PIGU: variants seen among roughly 807,000 people sequenced by gnomAD.
The protein encoded by PIGU is phosphatidylinositol glycan anchor biosynthesis class U, also known as GPI-anchor transamidase component PIGU.
A neutral mutation model predicts 49.9 loss-of-function variants in PIGU; 24 were observed. The ratio of observed to expected loss-of-function variants is 0.48; its 90% CI spans 0.35 to 0.68. The LOEUF is 0.68. Ranked by LOEUF, PIGU falls within the 30% of genes least tolerant of loss-of-function variation. The probability of loss-of-function intolerance (pLI) is 0.01; values close to 1 mark genes in which losing one functional copy is unlikely to be tolerated. For missense variants in PIGU, 490 were observed against 532.6 expected (o/e 0.92, Z 0.79); for synonymous variants, 220 against 205.7 (o/e 1.07, Z -0.59).
chr20:34,673,793 G>A lies in PIGU; in HGVS notation c.130+3163C>T, dbSNP rs560857646. The stretch of plus-strand genomic sequence containing the variant: ...AGCTTGGCCGGGCGTGGTGGCTCAC[G>A]CCTGTAATCCCAGCACTTTGGGAGG... On this transcript the variant is annotated intron_variant, in intron 1 of 11. Coordinates refer to ENST00000217446, the MANE Select transcript of PIGU (RefSeq NM_080476.5). 3.3e-5 allele frequency among the ~76,000 whole-genome samples: 5 copies of A among 152,276 alleles called. No individual in the cohort carries two copies. The East Asian group carries it at 5.8e-4, about 18-fold the overall frequency.
In PIGU at chr20:34,649,871, C is replaced by T. The variant is rs374029584; in HGVS notation, c.196-4537G>A. On this transcript the variant is annotated intron_variant, in intron 2 of 11. Transcript: ENST00000217446. ...TTCTTTTTTTTTTTTTTTTTTGAGA[C>T]GGAGTCTCACTCTGTCACCCAGGCT... 2.4e-3 allele frequency among the ~76,000 whole-genome samples: 285 copies of T among 117,888 alleles called. 1 individual carries two copies. The highest frequency in any genetic ancestry group is 6.8e-3 in the Middle Eastern group (1 of 148). 77.3% of individuals were successfully genotyped at this position (117,888 alleles called of 152,430 possible).
chr20:34,594,206 C>T (rs747540100), intron 7 of PIGU, among the ~76,000 whole-genome samples: 20 of 152,154 alleles, frequency 1.3e-4, no homozygotes, highest in Non-Finnish European at 2.6e-4. Flanking sequence ...AAACTACATA[C>T]ATACTTCAAT....
intron 6 of PIGU, among the ~76,000 whole-genome samples, chr20:34,618,423 G>A (rs1050200017): frequency 1.3e-5 from 2 of 152,162 alleles, no homozygotes; most frequent in Non-Finnish European, 2.9e-5. Context: ...CAGGTGTCTT[G>A]TAATGATGTT....
chr20:34,629,156 C>T (rs1415198388), intron 6 of PIGU, among the ~76,000 whole-genome samples: 2 of 151,962 alleles, frequency 1.3e-5, no homozygotes, highest in African/African-American at 2.4e-5. Context: ...GCTAGGATTA[C>T]GGGTGCCTGT....
chr20:34,590,974 T>C (rs1983953014), intron 7 of PIGU, among the ~76,000 whole-genome samples: 1 of 151,574 alleles, frequency 6.6e-6, no homozygotes, highest in South Asian at 2.1e-4. Context: ...TGAGCCGAGA[T>C]TGCACCACTG....
intron 2 of PIGU, among the ~76,000 whole-genome samples, chr20:34,648,292 AT>A (rs1447013635): frequency 1.3e-5 from 2 of 149,492 alleles, no homozygotes; most frequent in African/African-American, 4.9e-5. Flanking sequence ...TGTGACTGCC[AT>A]TTTTGCTTTA....
chr20:34,671,775 C>T (rs954245945), intron 1 of PIGU, among the ~76,000 whole-genome samples: 2 of 151,854 alleles, frequency 1.3e-5, no homozygotes, highest in Admixed American at 6.6e-5. Context: ...CAAAATTAGC[C>T]AGGTGTGGTG....
chr20:34,616,180 C>G (rs374146955), intron 6 of PIGU, 41 bp from the exon 7 acceptor site: 1 of 1,601,660 alleles, frequency 6.2e-7, no homozygotes, highest in Non-Finnish European at 8.5e-7. Flanking sequence ...CCAGCCTCAT[C>G]AATCATGATT....
intron 7 of PIGU, among the ~76,000 whole-genome samples, chr20:34,596,985 G>A (rs903501181): frequency 1.3e-5 from 2 of 152,046 alleles, no homozygotes; most frequent in Non-Finnish European, 1.5e-5. Flanking sequence ...TAAAAAGATC[G>A]ATACCATCAA....
Position 34,618,085 on chromosome 20 carries a change from C to T in PIGU, c.530-1946G>A, listed in dbSNP as rs181931210. ...CTTTCTTTCGTAAATTGCCCAGTCTCGGACTACCAAAAAAAATAAAATAAA... is the reference window on the plus strand; with the variant it reads ...CTTTCTTTCGTAAATTGCCCAGTCTTGGACTACCAAAAAAAATAAAATAAA... On this transcript the variant is annotated intron_variant, in intron 6 of 11. Coordinates refer to ENST00000217446, the MANE Select transcript of PIGU (RefSeq NM_080476.5). Among the ~76,000 whole-genome samples, 10 of 151,990 alleles carry T rather than the reference C, an allele frequency of 6.6e-5. No homozygotes were observed. The East Asian group carries it at 1.5e-3, about 23-fold the overall frequency.
intron 2 of PIGU, among the ~76,000 whole-genome samples, chr20:34,648,071 G>C (rs1409393875): frequency 1.3e-5 from 2 of 151,918 alleles, no homozygotes. Context: ...ACAACATAGT[G>C]GAACCCTGCC....
chr20:34,637,934 C>T lies in PIGU; in HGVS notation c.370G>A (p.Ala124Thr). ...TCCATAGGGGTCCGGATGAGTTCGGCCACATCTGGGGCATACTGGTCCAGT... is the reference window on the plus strand; with the variant it reads ...TCCATAGGGGTCCGGATGAGTTCGGTCACATCTGGGGCATACTGGTCCAGT... Reference protein sequence around the residue: ...LELDQYAPDVAELIRTPMEMR... With the variant: ...LELDQYAPDVTELIRTPMEMR... Residue 124 changes from alanine (A) to threonine (T), a missense_variant, in exon 5 of 12, where the codon GCC becomes ACC. By Grantham distance (58) the Ala-to-Thr change is moderately conservative. Transcript: ENST00000217446. 1 of 1,608,630 alleles carries T rather than the reference C, an allele frequency of 6.2e-7. No individual in the cohort carries two copies. Among genetic ancestry groups the T allele is most frequent in the Non-Finnish European group, 8.5e-7 (1 of 1,177,930 alleles).
rs781275040 is a variant in PIGU, at chr20:34,563,248, A to G, written c.1195-2269T>C. 5.4e-4 allele frequency among the ~76,000 whole-genome samples: 82 copies of G among 152,152 alleles called. 3 individuals carry two copies. Among genetic ancestry groups the G allele is most frequent in the Non-Finnish European group, 8.8e-5 (6 of 68,032 alleles). The stretch of plus-strand genomic sequence containing the variant: ...TCCCCTATAAGCCTTAACTTTGCAA[A>G]CTACATACATGTATTCCATTGATAA... On this transcript the variant is annotated intron_variant, in intron 11 of 11. Transcript: ENST00000217446.
At chr20:34,635,687 C>T (rs1985934851) in intron 5 of PIGU, among the ~76,000 whole-genome samples, 1 of 151,014 alleles carries the variant, frequency 6.6e-6, no homozygotes. Flanking sequence ...ACCAGCCTGA[C>T]CAACATGGAG....
chr20:34,596,771 G>C (rs1984216968), intron 7 of PIGU, among the ~76,000 whole-genome samples: 1 of 152,046 alleles, frequency 6.6e-6, no homozygotes, highest in African/African-American at 2.4e-5. Flanking sequence ...AAATATTTTG[G>C]CTGTTTAATC....
intron 6 of PIGU, among the ~76,000 whole-genome samples, chr20:34,633,813 A>C (rs1177587459): frequency 6.6e-6 from 1 of 151,902 alleles, no homozygotes; most frequent in African/African-American, 2.4e-5. Flanking sequence ...AGGCAATCCA[A>C]CCGCCTTGGC....
At chr20:34,569,609 G>A (rs1466878209) in intron 11 of PIGU, among the ~76,000 whole-genome samples, 1 of 152,200 alleles carries the variant, frequency 6.6e-6, no homozygotes, top group African/African-American at 2.4e-5. Flanking sequence ...CAGGAGTGGG[G>A]CTCTCAGGCC....
At chr20:34,660,044 TCAA>T (rs1210444288) in intron 1 of PIGU, among the ~76,000 whole-genome samples, 6 of 49,670 alleles carry the variant, frequency 1.2e-4, no homozygotes, top group Admixed American at 5.9e-4. Context: ...CCAAGAATGA[TCAA>T]TAAAAAAAAA....
At chr20:34,563,723 C>T (rs1228572360) in intron 11 of PIGU, among the ~76,000 whole-genome samples, 1 of 152,064 alleles carries the variant, frequency 6.6e-6, no homozygotes, top group Non-Finnish European at 1.5e-5. Flanking sequence ...GTCCACTCTG[C>T]ATCTCCTAAG....
Sources: allele counts gnomAD v4.1 joint callset (sites outside exome capture counted in the v4.1 genomes callset), GRCh38; gene constraint gnomAD v4.1.1; transcripts MANE v1.5; gene names NCBI Gene and HGNC (gene_info 2026-07-23, HGNC 2026-07-21).